Variants in ANKRD11 observed in about 807,000 individuals in gnomAD.
ANKRD11 encodes the protein ankyrin repeat domain-containing protein 11.
Under a neutral mutation model 195.7 loss-of-function variants are expected in ANKRD11, and 17 were observed. That is an observed-to-expected ratio of 0.09 (90% confidence interval 0.06 to 0.13). The LOEUF (loss-of-function observed/expected upper bound fraction) is 0.13, where lower values mean the gene tolerates loss of function less well. Among genes scored for constraint, ANKRD11 ranks in the 10% least tolerant of loss-of-function variants. The pLI is 1.00. For missense variants in ANKRD11, 3,735 were observed against 3,566.1 expected (o/e 1.05, Z -1.21); for synonymous variants, 1,953 against 1,528.1 (o/e 1.28, Z -6.49).
At chr16:89,383,571 G>A (rs1177450472) in intron 2 of ANKRD11, among the ~76,000 whole-genome samples, 4 of 152,232 alleles carry the variant, frequency 2.6e-5, no homozygotes, top group East Asian at 1.9e-4. Flanking sequence ...AACAAAGCAC[G>A]GCCAGGAATG....
intron 1 of ANKRD11, among the ~76,000 whole-genome samples, chr16:89,490,017 C>A (rs866235276): frequency 6.7e-6 from 1 of 148,710 alleles, no homozygotes; most frequent in African/African-American, 2.5e-5. Context: ...CCAAAGACCC[C>A]CGGCTGCCCC....
chr16:89,467,732 C>G (rs544328817), intron 1 of ANKRD11, among the ~76,000 whole-genome samples: 1 of 152,080 alleles, frequency 6.6e-6, no homozygotes, highest in Non-Finnish European at 1.5e-5. Flanking sequence ...ATCAAGATAC[C>G]GTAAGACATA....
intron 1 of ANKRD11, among the ~76,000 whole-genome samples, chr16:89,482,278 G>A (rs527392596): frequency 3.3e-5 from 5 of 152,266 alleles, no homozygotes; most frequent in African/African-American, 9.6e-5. Flanking sequence ...TGAGCCACAC[G>A]TCAGCCACAC....
At chr16:89,287,972 G>A in intron 7 of ANKRD11, 4 of 472,702 alleles carry the variant, frequency 8.5e-6, no homozygotes, top group Non-Finnish European at 1.5e-5. Flanking sequence ...GCATCTCCAG[G>A]CAGCACCCCT....
In ANKRD11 at chr16:89,283,085, CCTT is replaced by C; in HGVS notation, c.3454_3456del (p.Lys1152del). On this transcript the variant is annotated inframe_deletion, in exon 9 of 13. Coordinates refer to ENST00000301030, the MANE Select transcript of ANKRD11 (RefSeq NM_013275.6). The surrounding 1 kb of genome is among the most constrained non-coding windows in gnomAD (Gnocchi z 4.3). ...GAGGCATAGGCCTCCCGTCCTTCCT[CCTT>C]CTCCTGGAGGCCGTCCGTCCTCGGC... 2 of 1,614,054 alleles carry C rather than the reference CCTT, an allele frequency of 1.2e-6. No individual in the cohort carries two copies. Among genetic ancestry groups the C allele is most frequent in the Non-Finnish European group, 1.7e-6 (2 of 1,180,028 alleles).
rs1358587534 is a variant in ANKRD11, at chr16:89,284,664, C to A, written c.1878G>T (p.Gly626=). The A allele has an allele frequency of 2.5e-6, 4 of 1,614,042 alleles. No homozygotes were observed. The highest frequency in any genetic ancestry group is 2.5e-6 in the Non-Finnish European group (3 of 1,180,026). The part of the protein sequence containing the change: ...EGAVPKLDKE[G]KVVKKHKTKH... The stretch of plus-strand genomic sequence containing the variant: ...TTGTTTTATGTTTTTTGACAACTTT[C>A]CCCTCCTTGTCCAGTTTGGGGACAG... Residue 626 remains glycine (G), a synonymous_variant, in exon 9 of 13, where the codon GGG becomes GGT. Transcript: ENST00000301030.
intron 1 of ANKRD11, among the ~76,000 whole-genome samples, chr16:89,448,540 A>G (rs1222820405): frequency 6.6e-6 from 1 of 152,244 alleles, no homozygotes; most frequent in Non-Finnish European, 1.5e-5. Flanking sequence ...CTACTATATT[A>G]TTAAAACTCT....
intron 3 of ANKRD11, among the ~76,000 whole-genome samples, chr16:89,313,806 T>TTTCAAGCTACTG (rs2036764813): frequency 6.6e-6 from 1 of 152,182 alleles, no homozygotes; most frequent in Non-Finnish European, 1.5e-5. Context: ...AGGCATTCTA[T>TTTCAAGCTACTG]TTCAAGCTAC....
Position 89,410,646 on chromosome 16 carries a change from G to A in ANKRD11, c.-60+7638C>T, listed in dbSNP as rs141623066. 5.1e-3 allele frequency among the ~76,000 whole-genome samples: 784 copies of A among 152,300 alleles called. 5 individuals carry two copies. The highest frequency in any genetic ancestry group is 0.018 in the African/African-American group (761 of 41,562). ...CTGACGTGCTGACACCATCAGATATGAACAAGAATCCCAGTTTTATTTTTC... is the reference window on the plus strand; with the variant it reads ...CTGACGTGCTGACACCATCAGATATAAACAAGAATCCCAGTTTTATTTTTC... On this transcript the variant is annotated intron_variant, in intron 2 of 12. Coordinates refer to ENST00000301030, the MANE Select transcript of ANKRD11 (RefSeq NM_013275.6).
intron 1 of ANKRD11, among the ~76,000 whole-genome samples, chr16:89,478,260 T>A (rs2057324386): frequency 6.6e-6 from 1 of 151,674 alleles, no homozygotes; most frequent in Admixed American, 6.6e-5. Flanking sequence ...CATTTTCACA[T>A]CCAGGGTCCA....
intron 1 of ANKRD11, among the ~76,000 whole-genome samples, chr16:89,460,126 T>C (rs1050190459): frequency 7.9e-5 from 12 of 151,748 alleles, no homozygotes; most frequent in South Asian, 4.2e-4. Flanking sequence ...TAATCCCAGC[T>C]ACTCGGGAGG....
intron 1 of ANKRD11, among the ~76,000 whole-genome samples, chr16:89,473,963 G>A (rs1783732889): frequency 6.6e-6 from 1 of 152,222 alleles, no homozygotes; most frequent in South Asian, 2.1e-4. Flanking sequence ...TTAGTCTACT[G>A]AAGCAGAAGA....
chr16:89,288,394 T>C (rs928073855), intron 7 of ANKRD11, 134 bp downstream of exon 7: 32 of 1,411,394 alleles, frequency 2.3e-5, no homozygotes, highest in Non-Finnish European at 3.1e-5. Flanking sequence ...AGCTCGGCCT[T>C]GAGGGTGGGC....
intron 1 of ANKRD11, among the ~76,000 whole-genome samples, chr16:89,478,964 C>G (rs1042079965): frequency 1.3e-5 from 2 of 152,114 alleles, no homozygotes; most frequent in Admixed American, 1.3e-4. Flanking sequence ...TTTTTCTTTT[C>G]TTTTTTGAGA....
chr16:89,465,055 G>C (rs979699830), intron 1 of ANKRD11, among the ~76,000 whole-genome samples: 1 of 152,212 alleles, frequency 6.6e-6, no homozygotes, highest in African/African-American at 2.4e-5. Context: ...AAAATTATAT[G>C]AAATTCTAAT....
At position 89,279,928 on chromosome 16, in the gene ANKRD11, G is replaced by A. The variant is rs1381262718; in HGVS notation, c.6614C>T (p.Pro2205Leu). ...CAGCTTTGGCTCCCCTGAGGGCTCA[G>A]GCTCGAGCTCTGCAGGGAGCCGGGT... is the stretch of plus-strand genomic sequence containing the variant. Reference protein sequence around the residue: ...ASTRLPAELEPEPSGEPKLDV... With the variant: ...ASTRLPAELELEPSGEPKLDV... Residue 2205 changes from proline (P) to leucine (L), a missense_variant, in exon 9 of 13, where the codon CCT becomes CTT. Physicochemically the swap from Pro to Leu is moderately conservative, Grantham distance 98 (BLOSUM62 -3). Coordinates refer to ENST00000301030, the MANE Select transcript of ANKRD11 (RefSeq NM_013275.6). The surrounding 1 kb of genome is among the most constrained non-coding windows in gnomAD (Gnocchi z 5.6). 1.9e-6 allele frequency: 3 copies of A among 1,610,098 alleles called. No homozygotes were observed. Among genetic ancestry groups the A allele is most frequent in the South Asian group, 2.2e-5 (2 of 90,996 alleles).
chr16:89,360,298 T>C (rs879711476), intron 2 of ANKRD11, among the ~76,000 whole-genome samples: 12 of 152,212 alleles, frequency 7.9e-5, no homozygotes, highest in Admixed American at 2.0e-4. Flanking sequence ...GGCTTCACTA[T>C]GTTGCCCAAG....
At chr16:89,430,574 G>A (rs926682371) in intron 1 of ANKRD11, among the ~76,000 whole-genome samples, 1 of 152,044 alleles carries the variant, frequency 6.6e-6, no homozygotes, top group Non-Finnish European at 1.5e-5. Context: ...CAACTCTCAC[G>A]CTCAGACGTT....
At chr16:89,288,429 C>A in intron 7 of ANKRD11, 99 bp downstream of exon 7, 1 of 1,576,144 alleles carries the variant, frequency 6.3e-7, no homozygotes. Flanking sequence ...CTTTCCTGTG[C>A]CCCACATCAT....
Sources: gnomAD v4.1 joint callset for allele counts (sites outside exome capture counted in the v4.1 genomes callset) on GRCh38, gnomAD v4.1.1 for gene constraint, Gnocchi (gnomAD v3.1) non-coding constraint, MANE v1.5 for transcripts, NCBI Gene and HGNC (gene_info 2026-07-23, HGNC 2026-07-21) for gene names.